Variants in RASEF observed in about 807,000 individuals in gnomAD.
The protein encoded by RASEF is RAS and EF-hand domain containing.
Under a neutral mutation model 90.1 loss-of-function variants are expected in RASEF, and 68 were observed. That is an observed-to-expected ratio of 0.75 (90% CI 0.62 to 0.92). The LOEUF is 0.92. RASEF is among the 40% of genes least tolerant of loss of function. The pLI, the probability that RASEF is intolerant of heterozygous loss-of-function variation, is 0.00. For missense variants in RASEF, 949 were observed against 937.2 expected, an observed-to-expected ratio of 1.01 and a Z score of -0.16; for synonymous variants, 331 against 345.2, an observed-to-expected ratio of 0.96 and a Z score of 0.46.
At chr9:83,173,031 A>T in the RASEF span, among the ~76,000 whole-genome samples, 2 of 151,892 alleles carry the variant, frequency 1.3e-5, no homozygotes, top group Non-Finnish European at 2.9e-5. Flanking sequence ...ACTTGGTTGA[A>T]TGTTTTATTT....
upstream of RASEF, chr9:83,063,290 C>T: frequency 5.5e-6 from 1 of 181,788 alleles, no homozygotes; most frequent in Non-Finnish European, 1.1e-5. Context: ...GGAGACCTGG[C>T]TGGCCGGAAC....
At chr9:83,058,988 C>A (rs1431908973) in intron 1 of RASEF, among the ~76,000 whole-genome samples, 1 of 152,078 alleles carries the variant, frequency 6.6e-6, no homozygotes, top group Non-Finnish European at 1.5e-5. Flanking sequence ...CCTGCCACAC[C>A]CTCAGGTACC....
At chr9:83,024,643 C>T (rs900829526) in intron 2 of RASEF, among the ~76,000 whole-genome samples, 2 of 152,124 alleles carry the variant, frequency 1.3e-5, no homozygotes, top group Non-Finnish European at 2.9e-5. Context: ...AATGGTCAGT[C>T]AAGTACTAAA....
intron 1 of RASEF, among the ~76,000 whole-genome samples, chr9:83,043,889 G>A (rs902933722): frequency 2.0e-5 from 3 of 152,152 alleles, no homozygotes; most frequent in African/African-American, 7.2e-5. Flanking sequence ...CTAAGAGTTT[G>A]CACTTCTAGA....
intron 1 of RASEF, among the ~76,000 whole-genome samples, chr9:83,027,935 G>A (rs1013535480): frequency 1.3e-5 from 2 of 152,126 alleles, no homozygotes; most frequent in African/African-American, 4.8e-5. Context: ...CTGCAATCTG[G>A]CCTTCTTCTT....
At chr9:83,011,314 G>A (rs1380990549) in intron 5 of RASEF, among the ~76,000 whole-genome samples, 1 of 152,034 alleles carries the variant, frequency 6.6e-6, no homozygotes, top group Non-Finnish European at 1.5e-5. Context: ...CAGCACTTTG[G>A]GAGGCCAAAG....
chr9:83,004,264 G>A (rs902756896), intron 9 of RASEF, among the ~76,000 whole-genome samples: 1 of 152,114 alleles, frequency 6.6e-6, no homozygotes, highest in Non-Finnish European at 1.5e-5. Flanking sequence ...TTAGAGATGA[G>A]GTAATGATGA....
rs1372949570 is a variant in RASEF, at chr9:83,000,548, T to G, written c.1460A>C (p.Glu487Ala). Residue 487 changes from glutamate to alanine, a missense_variant, in exon 11 of 17, where the codon GAG becomes GCG. Physicochemically the swap from Glu to Ala is moderately radical, Grantham distance 107. This residue lies in a region of RASEF where 288 missense variants were observed against 328.4 expected (regional missense o/e 0.88). Transcript: ENST00000376447. ...AGCCACATCTTCTAAACCAAATGTC[T>G]CTTCATCCCTTATGTCAGGAACCTA... ...DTDVPDIRDE[E>A]TFGLEDVASV... 6.2e-7 allele frequency: 1 copy of G among 1,606,410 alleles called. No homozygotes were observed. The highest frequency in any genetic ancestry group is 8.5e-7 in the Non-Finnish European group (1 of 1,177,890).
chr9:82,988,839 CA>C (rs1323852252), intron 16 of RASEF, among the ~76,000 whole-genome samples: 1 of 152,160 alleles, frequency 6.6e-6, no homozygotes, highest in East Asian at 1.9e-4. Flanking sequence ...TTATAAATTG[CA>C]GTCTCGGGTA....
At chr9:83,214,126 G>A in the RASEF span, among the ~76,000 whole-genome samples, 35 of 152,186 alleles carry the variant, frequency 2.3e-4, no homozygotes, top group Non-Finnish European at 2.9e-5. Flanking sequence ...CGGGCACAGT[G>A]GCTCACACCT....
the RASEF span, among the ~76,000 whole-genome samples, chr9:83,151,860 C>A: frequency 6.6e-6 from 1 of 152,106 alleles, no homozygotes; most frequent in Non-Finnish European, 1.5e-5. Flanking sequence ...TGTGAAGGAA[C>A]AATAGAGACT....
the RASEF span, among the ~76,000 whole-genome samples, chr9:83,192,358 T>C: frequency 7.9e-5 from 12 of 152,170 alleles, no homozygotes; most frequent in Non-Finnish European, 1.3e-4. Context: ...ATATACACCA[T>C]GGAATACTAT....
At chr9:83,115,277 C>T in the RASEF span, among the ~76,000 whole-genome samples, 1 of 152,012 alleles carries the variant, frequency 6.6e-6, no homozygotes, top group Non-Finnish European at 1.5e-5. Context: ...AGAATGTTAT[C>T]CTAAAGTTAA....
the RASEF span, among the ~76,000 whole-genome samples, chr9:83,151,857 G>A: frequency 6.6e-6 from 1 of 152,118 alleles, no homozygotes; most frequent in African/African-American, 2.4e-5. Context: ...TGGTGTGAAG[G>A]AACAATAGAG....
chr9:83,028,864 C>T (rs1043695842), intron 1 of RASEF, among the ~76,000 whole-genome samples: 1 of 152,080 alleles, frequency 6.6e-6, no homozygotes, highest in African/African-American at 2.4e-5. Flanking sequence ...TAGAATAGCT[C>T]CTAATCCAAT....
chr9:83,002,543 TAAC>T (rs1478555496), intron 9 of RASEF, among the ~76,000 whole-genome samples: 9 of 150,780 alleles, frequency 6.0e-5, no homozygotes, highest in Non-Finnish European at 1.3e-4. Flanking sequence ...ATACTATTAA[TAAC>T]AATAACAATG....
chr9:83,115,202 GA>G, the RASEF span, among the ~76,000 whole-genome samples: 1 of 152,118 alleles, frequency 6.6e-6, no homozygotes, highest in Non-Finnish European at 1.5e-5. Context: ...AGGAAAAATA[GA>G]AAAGAACCTA....
rs746595018 is a variant in RASEF at position 82,997,094 on chromosome 9, T to A, written c.1838A>T (p.Lys613Met). The change falls in exon 14 of 17, where the codon AAG (lysine) becomes ATG (methionine). Residue 613 changes from lysine to methionine, a missense_variant. Lys to Met is a moderately conservative substitution (Grantham distance 95). Around this residue, in one of 3 missense-constraint regions of RASEF, gnomAD observed 288 missense variants for 328.4 expected, o/e 0.88. Coordinates refer to ENST00000376447, the MANE Select transcript of RASEF (RefSeq NM_152573.4). ...ATACAGCAGCAAAACACCATCTGCC[T>A]TTCTGAAGTAAGACTTGGCAATACT... The part of the protein sequence containing the change: ...FRSIAKSYFR[K>M]ADGVLLLYDV... The A allele has an allele frequency of 2.5e-6, 4 of 1,613,354 alleles. No individual in the cohort carries two copies. The South Asian group carries it at 4.4e-5, about 18-fold the overall frequency.
At chr9:83,198,314 C>A in the RASEF span, among the ~76,000 whole-genome samples, 1 of 152,168 alleles carries the variant, frequency 6.6e-6, no homozygotes, top group Non-Finnish European at 1.5e-5. Flanking sequence ...AAAGACTACT[C>A]AATAGAATTT....
Sources: allele counts gnomAD v4.1 joint callset (sites outside exome capture counted in the v4.1 genomes callset), GRCh38; gene constraint gnomAD v4.1.1; regional missense constraint gnomAD v4.1.1; transcripts MANE v1.5; gene names NCBI Gene and HGNC (gene_info 2026-07-23, HGNC 2026-07-21).